The following RETREG1 variants were observed in gnomAD, a reference collection of about 807,000 sequenced individuals.
RETREG1 encodes family with sequence similarity 134 member B.
A neutral mutation model predicts 54.8 loss-of-function variants in RETREG1; 44 were observed. The ratio of observed to expected loss-of-function variants is 0.80; its 90% confidence interval spans 0.63 to 1.03. The LOEUF (loss-of-function observed/expected upper bound fraction) is 1.03, where lower values mean the gene tolerates loss of function less well. Ranked by LOEUF, RETREG1 falls within the 50% of genes least tolerant of loss-of-function variation. The pLI is 0.00. For synonymous variants in RETREG1, 217 were observed against 238.5 expected (o/e 0.91, Z 0.83); for missense variants, 554 against 605.1 (o/e 0.92, Z 0.89).
intron 3 of RETREG1, among the ~76,000 whole-genome samples, chr5:16,539,687 G>A (rs897118695): frequency 6.6e-6 from 1 of 152,114 alleles, no homozygotes; most frequent in Admixed American, 6.5e-5. Context: ...GCCCTGATGT[G>A]ACTTCACTAT....
At chr5:16,534,163 A>G (rs1740991277) in intron 3 of RETREG1, among the ~76,000 whole-genome samples, 1 of 152,138 alleles carries the variant, frequency 6.6e-6, no homozygotes, top group South Asian at 2.1e-4. Context: ...CAAGCAAAAA[A>G]ACTTGGCCGG....
chr5:16,492,053 T>C (rs1739268233), intron 3 of RETREG1, among the ~76,000 whole-genome samples: 1 of 152,156 alleles, frequency 6.6e-6, no homozygotes, highest in African/African-American at 2.4e-5. Flanking sequence ...GCATTTGTGA[T>C]ACCAGTAGAG....
chr5:16,580,532 G>C (rs1271623595), intron 1 of RETREG1, among the ~76,000 whole-genome samples: 4 of 152,174 alleles, frequency 2.6e-5, no homozygotes, highest in Non-Finnish European at 5.9e-5. Flanking sequence ...GGTGCAGCCT[G>C]AGCCAAAGCC....
chr5:16,548,450 G>T (rs561439701), intron 3 of RETREG1, among the ~76,000 whole-genome samples: 77 of 152,262 alleles, frequency 5.1e-4, no homozygotes, highest in African/African-American at 1.7e-3. Flanking sequence ...TTAAAGCCAA[G>T]TCCAGCCTAA....
intron 3 of RETREG1, among the ~76,000 whole-genome samples, chr5:16,559,135 C>T (rs561662165): frequency 6.2e-4 from 95 of 152,340 alleles, no homozygotes; most frequent in African/African-American, 2.2e-3. Flanking sequence ...CCTCCGCCTA[C>T]TTGAAAGCAT....
At chr5:16,613,451 T>C (rs1014730643) in intron 1 of RETREG1, among the ~76,000 whole-genome samples, 4 of 152,218 alleles carry the variant, frequency 2.6e-5, no homozygotes, top group Non-Finnish European at 4.4e-5. Flanking sequence ...TCAAAATGAA[T>C]TATCCTTTCC....
rs566464301 is a variant in RETREG1 at position 16,524,384 on chromosome 5, T to C, written c.459-40912A>G. On this transcript the variant is annotated intron_variant, in intron 3 of 8. Transcript: ENST00000306320. ...AACTTAAACCACATCCAGATTTCCT[T>C]TCCATGTGTGCCACTAGTCCTTACC... 4.6e-5 allele frequency among the ~76,000 whole-genome samples: 7 copies of C among 152,300 alleles called. No individual in the cohort carries two copies. In the East Asian group the frequency reaches 1.4e-3, roughly 29 times the overall value.
intron 3 of RETREG1, among the ~76,000 whole-genome samples, chr5:16,486,399 C>T (rs1739021434): frequency 1.3e-5 from 2 of 152,188 alleles, no homozygotes; most frequent in Non-Finnish European, 2.9e-5. Flanking sequence ...ATTCTGAGTA[C>T]CATAGGAACT....
At chr5:16,582,115 A>G (rs1643045485) in intron 1 of RETREG1, among the ~76,000 whole-genome samples, 1 of 152,256 alleles carries the variant, frequency 6.6e-6, no homozygotes, top group South Asian at 2.1e-4. Flanking sequence ...TCTATGCTAT[A>G]CATAAATACA....
intron 3 of RETREG1, among the ~76,000 whole-genome samples, chr5:16,492,958 C>A (rs1009247735): frequency 1.2e-4 from 18 of 152,188 alleles, no homozygotes; most frequent in Admixed American, 2.6e-4. Context: ...CAATTAGCCA[C>A]GTGAGCGACT....
chr5:16,570,238 AT>A (rs1742139621), intron 2 of RETREG1, among the ~76,000 whole-genome samples: 1 of 152,176 alleles, frequency 6.6e-6, no homozygotes, highest in Non-Finnish European at 1.5e-5. Context: ...TACTACCTTA[AT>A]TTTTTTAAAG....
chr5:16,530,990 A>G (rs1460093640), intron 3 of RETREG1, among the ~76,000 whole-genome samples: 1 of 152,210 alleles, frequency 6.6e-6, no homozygotes, highest in African/African-American at 2.4e-5. Context: ...TGAATGAAAA[A>G]GGGGAGAATA....
chr5:16,545,868 T>C (rs1039837452), intron 3 of RETREG1, among the ~76,000 whole-genome samples: 28 of 152,198 alleles, frequency 1.8e-4, no homozygotes, highest in African/African-American at 6.5e-4. Flanking sequence ...AGAGCCACCG[T>C]TCCATGTGTC....
intron 3 of RETREG1, among the ~76,000 whole-genome samples, chr5:16,523,651 C>G (rs1052001758): frequency 6.6e-6 from 1 of 152,102 alleles, no homozygotes; most frequent in South Asian, 2.1e-4. Flanking sequence ...AAGCAAGTCA[C>G]TAAATCCAAT....
chr5:16,506,020 G>C (rs539407529), intron 3 of RETREG1, among the ~76,000 whole-genome samples: 6 of 152,238 alleles, frequency 3.9e-5, no homozygotes, highest in African/African-American at 9.6e-5. Flanking sequence ...CAAGGAGGGG[G>C]GTCTCTCCTG....
At chr5:16,518,370 G>A (rs62369714) in intron 3 of RETREG1, among the ~76,000 whole-genome samples, 14,315 of 150,924 alleles carry the variant, frequency 0.095, 767 homozygotes, top group Non-Finnish European at 0.11. Flanking sequence ...GAGGAGGAGG[G>A]GGAGAGGATG....
chr5:16,508,609 G>A (rs746951374), intron 3 of RETREG1: 1 of 1,614,092 alleles, frequency 6.2e-7, no homozygotes, highest in Non-Finnish European at 8.5e-7. Flanking sequence ...TCACCTTCAG[G>A]CATTTCTGCC....
At chr5:16,551,312 G>A (rs1310036247) in intron 3 of RETREG1, among the ~76,000 whole-genome samples, 2 of 151,870 alleles carry the variant, frequency 1.3e-5, no homozygotes, top group East Asian at 3.9e-4. Context: ...AAAAAACATG[G>A]AGAACTGTTG....
At chr5:16,520,291 A>G (rs1396387256) in intron 3 of RETREG1, among the ~76,000 whole-genome samples, 1 of 150,926 alleles carries the variant, frequency 6.6e-6, no homozygotes. Flanking sequence ...GTCCTTTCTA[A>G]TCAATAGTTT....
Sources: gnomAD v4.1 joint callset for allele counts (sites outside exome capture counted in the v4.1 genomes callset) on GRCh38, gnomAD v4.1.1 for gene constraint, MANE v1.5 for transcripts, NCBI Gene and HGNC (gene_info 2026-07-23, HGNC 2026-07-21) for gene names.